KIAA1217: variants seen among roughly 807,000 people sequenced by gnomAD.
KIAA1217 encodes the protein sickle tail protein homolog.
A neutral mutation model predicts 163.9 loss-of-function variants in KIAA1217; 88 were observed. The observed-to-expected ratio is 0.54, with a 90% CI of 0.45 to 0.64. KIAA1217 has a LOEUF of 0.64. Among genes scored for constraint, KIAA1217 ranks in the 30% least tolerant of loss-of-function variants. KIAA1217 has a pLI of 0.00. For missense variants in KIAA1217, 2,372 were observed against 2,475.0 expected (o/e 0.96, Z 0.88); for synonymous variants, 903 against 923.1 (o/e 0.98, Z 0.39).
intron 1 of KIAA1217, among the ~76,000 whole-genome samples, chr10:23,697,959 A>G (rs923495235): frequency 2.6e-5 from 4 of 152,130 alleles, no homozygotes; most frequent in Non-Finnish European, 4.4e-5. Context: ...ATAACTCAGT[A>G]ATTTGAGTCA....
At chr10:24,495,281 C>T in intron 8 of KIAA1217, 85 bp downstream of exon 8, 1 of 1,066,416 alleles carries the variant, frequency 9.4e-7, no homozygotes, top group South Asian at 1.5e-5. Flanking sequence ...TTAACATTTC[C>T]CTAAGTCACG....
At chr10:23,932,922 T>A (rs1410912449) in intron 1 of KIAA1217, among the ~76,000 whole-genome samples, 1 of 152,304 alleles carries the variant, frequency 6.6e-6, no homozygotes, top group Non-Finnish European at 1.5e-5. Flanking sequence ...TGGAACCATA[T>A]GTAAGGACCA....
rs138983496 is a variant in KIAA1217, at chr10:23,842,033, A to G, written c.-321+146799A>G. Among the ~76,000 whole-genome samples the G allele has an allele frequency of 6.6e-3, 1,001 of 151,864 alleles. 38 individuals carry two copies. The highest frequency in any genetic ancestry group is 0.046 in the Admixed American group (701 of 15,228). On this transcript the variant is annotated intron_variant, in intron 1 of 18. Transcript: ENST00000376462. ...CAGGCACGTGCTACCACACTTGGCT[A>G]ACTTTTGTATTTTTAGTAGAGATGG...
At chr10:23,814,083 G>A (rs1454538765) in intron 1 of KIAA1217, among the ~76,000 whole-genome samples, 1 of 152,128 alleles carries the variant, frequency 6.6e-6, no homozygotes, top group Admixed American at 6.6e-5. Context: ...CAATTACCAG[G>A]TCATTAGCAG....
At chr10:24,192,999 C>A (rs1473483728) in intron 2 of KIAA1217, among the ~76,000 whole-genome samples, 1 of 152,060 alleles carries the variant, frequency 6.6e-6, no homozygotes, top group Non-Finnish European at 1.5e-5. Context: ...ACAGGCTGGT[C>A]TTAAACTCCT....
chr10:24,475,948 A>C (rs1377164820), intron 6 of KIAA1217, among the ~76,000 whole-genome samples: 1 of 152,118 alleles, frequency 6.6e-6, no homozygotes, highest in Admixed American at 6.5e-5. Flanking sequence ...GAAAACAATA[A>C]AGATAATTTG....
At chr10:24,194,686 C>T (rs951574349) in intron 2 of KIAA1217, among the ~76,000 whole-genome samples, 4 of 151,326 alleles carry the variant, frequency 2.6e-5, no homozygotes, top group Non-Finnish European at 4.4e-5. Flanking sequence ...CAGGCTCAAG[C>T]GATCCTCCTG....
At chr10:24,186,141 T>C (rs2066419367) in intron 2 of KIAA1217, among the ~76,000 whole-genome samples, 1 of 152,200 alleles carries the variant, frequency 6.6e-6, no homozygotes, top group South Asian at 2.1e-4. Context: ...GTCTTATTTT[T>C]AGTTTTAGTG....
intron 2 of KIAA1217, among the ~76,000 whole-genome samples, chr10:24,249,098 T>C (rs2074189038): frequency 6.6e-6 from 1 of 152,258 alleles, no homozygotes; most frequent in Admixed American, 6.5e-5. Flanking sequence ...TCAGTACCTA[T>C]CTTCACTGTA....
Position 24,218,181 on chromosome 10 carries a change from T to TA in KIAA1217, c.71-1439dup, listed in dbSNP as rs199687671. On this transcript the variant is annotated intron_variant, in intron 1 of 20. Coordinates refer to ENST00000376454, the MANE Select transcript of KIAA1217 (RefSeq NM_019590.5). ...TTCTCCCTAATCTATTTGTTTTTTT[T>TA]AAAAAAGTAACTCTTTTTTCTGAGC... Among the ~76,000 whole-genome samples, 548 of 152,288 alleles carry TA rather than the reference T, an allele frequency of 3.6e-3. 12 individuals are homozygous for TA. In the East Asian group the frequency reaches 0.055, roughly 15 times the overall value.
At chr10:24,006,413 A>G (rs1186720563) in intron 1 of KIAA1217, among the ~76,000 whole-genome samples, 6 of 152,182 alleles carry the variant, frequency 3.9e-5, no homozygotes, top group Non-Finnish European at 7.4e-5. Context: ...ACAAATTTCT[A>G]TTGGGAAAAA....
intron 1 of KIAA1217, among the ~76,000 whole-genome samples, chr10:24,002,776 T>G (rs567353068): frequency 6.6e-6 from 1 of 152,158 alleles, no homozygotes; most frequent in African/African-American, 2.4e-5. Flanking sequence ...CTGTACCCAG[T>G]GTGTAGTCTT....
At chr10:23,891,793 C>T (rs1055026062) in intron 1 of KIAA1217, among the ~76,000 whole-genome samples, 1 of 151,784 alleles carries the variant, frequency 6.6e-6, no homozygotes, top group Admixed American at 6.6e-5. Flanking sequence ...ATTTATTTCT[C>T]TCTGAATTTC....
intron 1 of KIAA1217, among the ~76,000 whole-genome samples, chr10:23,712,256 C>T (rs1342549830): frequency 6.6e-6 from 1 of 152,066 alleles, no homozygotes; most frequent in Non-Finnish European, 1.5e-5. Flanking sequence ...AGCATCTCTC[C>T]TTACATCCCT....
chr10:24,180,666 T>C (rs1325516219), intron 2 of KIAA1217, among the ~76,000 whole-genome samples: 1 of 152,218 alleles, frequency 6.6e-6, no homozygotes, highest in Non-Finnish European at 1.5e-5. Flanking sequence ...TCCAGCTATA[T>C]CAAGTGGCTT....
chr10:23,932,930 C>A (rs551628132), intron 1 of KIAA1217, among the ~76,000 whole-genome samples: 1 of 152,230 alleles, frequency 6.6e-6, no homozygotes, highest in Admixed American at 6.5e-5. Context: ...TATGTAAGGA[C>A]CACCCTTGTT....
chr10:24,301,680 ATTTAC>A (rs1159561743), intron 2 of KIAA1217, among the ~76,000 whole-genome samples: 2 of 152,016 alleles, frequency 1.3e-5, no homozygotes, highest in African/African-American at 4.8e-5. Flanking sequence ...AAAAATGTTT[ATTTAC>A]TTATTTTTTT....
chr10:24,137,505 G>T (rs1338428228), intron 2 of KIAA1217, among the ~76,000 whole-genome samples: 1 of 152,204 alleles, frequency 6.6e-6, no homozygotes. Context: ...TGCTATTCTT[G>T]AGATGTCTAG....
chr10:23,800,129 A>G (rs1388283919), intron 1 of KIAA1217, among the ~76,000 whole-genome samples: 3 of 152,210 alleles, frequency 2.0e-5, no homozygotes, highest in Non-Finnish European at 4.4e-5. Flanking sequence ...AAAATGGAAG[A>G]TCAAAATTCA....
Sources: gnomAD v4.1 joint callset for allele counts (sites outside exome capture counted in the v4.1 genomes callset) on GRCh38, gnomAD v4.1.1 for gene constraint, MANE v1.5 for transcripts, NCBI Gene and HGNC (gene_info 2026-07-23, HGNC 2026-07-21) for gene names.